TIAM2: variants seen among roughly 807,000 people sequenced by gnomAD.
TIAM2 encodes rho guanine nucleotide exchange factor TIAM2.
A neutral mutation model predicts 152.9 loss-of-function variants in TIAM2; 80 were observed. The ratio of observed to expected loss-of-function variants is 0.52; its 90% CI spans 0.44 to 0.63. The LOEUF is 0.63. Among genes scored for constraint, TIAM2 ranks in the 30% least tolerant of loss-of-function variants. TIAM2 has a pLI of 0.00. For missense variants in TIAM2, 1,965 were observed against 2,120.1 expected, an observed-to-expected ratio of 0.93 and a Z score of 1.44; for synonymous variants, 804 against 838.0, an observed-to-expected ratio of 0.96 and a Z score of 0.70.
At chr6:155,052,237 A>G (rs1777334705) in intron 1 of TIAM2, among the ~76,000 whole-genome samples, 1 of 152,220 alleles carries the variant, frequency 6.6e-6, no homozygotes, top group African/African-American at 2.4e-5. Context: ...ACAAAAATGC[A>G]GAATCTAATA....
chr6:155,059,327 C>CGTGT (rs1554227494), intron 1 of TIAM2, among the ~76,000 whole-genome samples: 1 of 78,076 alleles, frequency 1.3e-5, no homozygotes, highest in Non-Finnish European at 2.7e-5. Flanking sequence ...TGTGTGTGTG[C>CGTGT]GCGTGTATGT....
intron 2 of TIAM2, among the ~76,000 whole-genome samples, chr6:155,105,904 C>A (rs1032864140): frequency 1.3e-5 from 2 of 151,902 alleles, no homozygotes; most frequent in Admixed American, 6.6e-5. Context: ...GGTTTGTGAT[C>A]CTGTTCTCCT....
chr6:155,082,615 A>G (rs1299254889), intron 1 of TIAM2, among the ~76,000 whole-genome samples: 1 of 151,620 alleles, frequency 6.6e-6, no homozygotes, highest in Admixed American at 6.6e-5. Context: ...GTACCATTGC[A>G]CTCCGGCCTG....
intron 1 of TIAM2, among the ~76,000 whole-genome samples, chr6:155,003,215 C>G (rs113568102): frequency 1.3e-5 from 2 of 148,286 alleles, no homozygotes; most frequent in Non-Finnish European, 2.9e-5. Context: ...AAGGTTGATC[C>G]GTTTTTTTCC....
intron 4 of TIAM2, among the ~76,000 whole-genome samples, chr6:155,135,920 C>T (rs1050001061): frequency 2.6e-5 from 4 of 151,954 alleles, no homozygotes; most frequent in African/African-American, 9.7e-5. Flanking sequence ...ACTGGCCGGG[C>T]GCGGTGGCTC....
At chr6:155,095,419 A>G (rs981693769) in intron 2 of TIAM2, among the ~76,000 whole-genome samples, 1 of 152,122 alleles carries the variant, frequency 6.6e-6, no homozygotes, top group East Asian at 1.9e-4. Context: ...AGTTTTTTGT[A>G]GGGTGGTTGG....
chr6:155,254,406 C>T lies in TIAM2; in HGVS notation c.4314-13C>T. On this transcript the variant is annotated splice_polypyrimidine_tract_variant and intron_variant, in intron 25 of 26. Transcript: ENST00000682666. Reference sequence around the variant, plus strand: ...GTGGACACTTCTGCTGTTTTCTCTCCCCCCCCACCCAGTGACAGTGAAAGC... The same window carrying T: ...GTGGACACTTCTGCTGTTTTCTCTCTCCCCCCACCCAGTGACAGTGAAAGC... 6.2e-7 allele frequency: 1 copy of T among 1,605,040 alleles called. No individual in the cohort carries two copies. Among genetic ancestry groups the T allele is most frequent in the Non-Finnish European group, 8.5e-7 (1 of 1,173,390 alleles).
intron 14 of TIAM2, among the ~76,000 whole-genome samples, chr6:155,196,255 C>T (rs1781344629): frequency 6.6e-6 from 1 of 152,118 alleles, no homozygotes; most frequent in Non-Finnish European, 1.5e-5. Context: ...GTTGGAGTTT[C>T]CATCAGTTAA....
intron 12 of TIAM2, among the ~76,000 whole-genome samples, chr6:155,179,859 C>A (rs1780853976): frequency 6.6e-6 from 1 of 152,220 alleles, no homozygotes. Flanking sequence ...TTTCCTCTTT[C>A]TTCCCCCATC....
At chr6:155,199,285 C>T (rs1044658951) in intron 14 of TIAM2, among the ~76,000 whole-genome samples, 3 of 152,034 alleles carry the variant, frequency 2.0e-5, no homozygotes, top group African/African-American at 7.2e-5. Flanking sequence ...ACCATGTTGG[C>T]CAGGCTGGTC....
At chr6:155,253,916 T>C in intron 24 of TIAM2, 57 bp from the exon 25 acceptor site, 1 of 1,395,432 alleles carries the variant, frequency 7.2e-7, no homozygotes. Flanking sequence ...CAAGTGTTCT[T>C]AACCACAGCA....
At chr6:155,059,797 G>GCTGACA (rs1223285858) in intron 1 of TIAM2, among the ~76,000 whole-genome samples, 1 of 152,166 alleles carries the variant, frequency 6.6e-6, no homozygotes, top group East Asian at 1.9e-4. Flanking sequence ...CTTGGTGTCA[G>GCTGACA]CCATAGTCAA....
chr6:155,082,398 C>T (rs1255794816), intron 1 of TIAM2, among the ~76,000 whole-genome samples: 1 of 152,038 alleles, frequency 6.6e-6, no homozygotes, highest in Non-Finnish European at 1.5e-5. Flanking sequence ...CGCCTGTAAT[C>T]CCAATACTTT....
intron 1 of TIAM2, among the ~76,000 whole-genome samples, chr6:155,086,902 T>C (rs948486671): frequency 2.6e-4 from 40 of 152,300 alleles, no homozygotes; most frequent in Non-Finnish European, 5.1e-4. Flanking sequence ...TAAGGAATTG[T>C]GTCAGGCACC....
At chr6:155,007,393 T>C (rs1000913230) in intron 1 of TIAM2, among the ~76,000 whole-genome samples, 10 of 151,406 alleles carry the variant, frequency 6.6e-5, no homozygotes, top group African/African-American at 2.2e-4. Context: ...TTCTTTCTTT[T>C]TTTTTTTTTG....
At chr6:155,224,641 G>A (rs965587480) in intron 15 of TIAM2, among the ~76,000 whole-genome samples, 1 of 152,186 alleles carries the variant, frequency 6.6e-6, no homozygotes, top group Non-Finnish European at 1.5e-5. Flanking sequence ...TCATCCTTTC[G>A]TTGGTTCTTG....
chr6:155,036,732 T>G (rs1457808289), intron 1 of TIAM2, among the ~76,000 whole-genome samples: 1 of 151,504 alleles, frequency 6.6e-6, no homozygotes, highest in Non-Finnish European at 1.5e-5. Context: ...ATTCTCCTGC[T>G]TCAGCCTCCT....
intron 9 of TIAM2, among the ~76,000 whole-genome samples, chr6:155,169,650 G>A (rs1583226818): frequency 6.6e-6 from 1 of 152,282 alleles, no homozygotes. Flanking sequence ...GGGAGCCTGA[G>A]TAATGTCTCC....
intron 1 of TIAM2, among the ~76,000 whole-genome samples, chr6:155,072,987 T>A (rs73002967): frequency 9.7e-4 from 147 of 152,294 alleles, no homozygotes; most frequent in Non-Finnish European, 1.7e-3. Flanking sequence ...GTTAGCACAA[T>A]TAAAATCCAT....
Sources: gnomAD v4.1 joint callset for allele counts (sites outside exome capture counted in the v4.1 genomes callset) on GRCh38, gnomAD v4.1.1 for gene constraint, MANE v1.5 for transcripts, NCBI Gene and HGNC (gene_info 2026-07-23, HGNC 2026-07-21) for gene names.